Variants in NCR3LG1 observed in about 807,000 individuals in gnomAD.
NCR3LG1 encodes natural killer cell cytotoxicity receptor 3 ligand 1.
NCR3LG1 carries 35 observed loss-of-function variants against 34.8 expected under a neutral mutation model. The ratio of observed to expected loss-of-function variants is 1.01; its 90% CI spans 0.77 to 1.33. The LOEUF (loss-of-function observed/expected upper bound fraction) is 1.33, where lower values mean the gene tolerates loss of function less well. Ranked by LOEUF, NCR3LG1 falls within the 40% of genes most tolerant of loss-of-function variation. NCR3LG1 has a pLI of 0.00. For missense variants in NCR3LG1, 452 were observed against 423.3 expected (o/e 1.07, Z -0.60); for synonymous variants, 173 against 163.6 (o/e 1.06, Z -0.44).
Position 17,351,963 on chromosome 11 carries a change from C to T in NCR3LG1, c.-7C>T, listed in dbSNP as rs541223530. On this transcript the variant is annotated 5_prime_UTR_variant, in exon 1 of 5. Coordinates refer to ENST00000338965, the MANE Select transcript of NCR3LG1 (RefSeq NM_001202439.3). ...GCGAAAAAAATTACACAACAGCAGC[C>T]GCGGCGATGACGTGGAGGGCTGCCG... is the stretch of plus-strand genomic sequence containing the variant. 3 of 1,483,380 alleles carry T rather than the reference C, an allele frequency of 2.0e-6. No homozygotes were observed. The highest frequency in any genetic ancestry group is 2.8e-5 in the African/African-American group (2 of 70,630). 91.9% of individuals were successfully genotyped at this position (1,483,380 alleles called of 1,614,324 possible). A position where few individuals can be genotyped will look rare whatever the true frequency, so the allele number is the denominator to read the frequency against.
chr11:17,367,976 G>A (rs766190231), intron 3 of NCR3LG1, among the ~76,000 whole-genome samples: 2 of 152,032 alleles, frequency 1.3e-5, no homozygotes, highest in East Asian at 1.9e-4. Flanking sequence ...GCACCACCAC[G>A]CACGGCTGAT....
intron 4 of NCR3LG1, among the ~76,000 whole-genome samples, chr11:17,371,421 ACTC>A (rs1456248786): frequency 2.6e-5 from 4 of 151,650 alleles, no homozygotes; most frequent in Non-Finnish European, 4.4e-5. Context: ...AAGCATAAAA[ACTC>A]CTCTTTCAAC....
intron 2 of NCR3LG1, 126 bp from the exon 3 acceptor site, chr11:17,366,883 G>T: frequency 1.5e-6 from 1 of 667,002 alleles, no homozygotes; most frequent in Non-Finnish European, 2.5e-6. Flanking sequence ...TGTGTTTTTT[G>T]TCTTATCTGG....
Position 17,373,862 on chromosome 11 carries a change from C to T in NCR3LG1, c.*1350C>T, listed in dbSNP as rs1026713627. The T allele has an allele frequency of 6.6e-6, 1 of 152,224 alleles. No individual in the cohort carries two copies. The highest frequency in any genetic ancestry group is 1.5e-5 in the Non-Finnish European group (1 of 68,076). The allele number at this position is 152,224 out of a possible 1,614,324, so 9.4% of individuals were successfully genotyped here. ...ATGGCTCCAGGACAAACTCCGCCTCCCCTTAGTGGAAACCAGTATTAACCC... is the reference window on the plus strand; with the variant it reads ...ATGGCTCCAGGACAAACTCCGCCTCTCCTTAGTGGAAACCAGTATTAACCC... On this transcript the variant is annotated 3_prime_UTR_variant, in exon 5 of 5. Transcript: ENST00000338965.
In NCR3LG1 at chr11:17,372,405, G is replaced by GCCCCAA. The variant is rs1953419164; in HGVS notation, c.1259_1264dup (p.Pro421_Ile422insThrPro). On this transcript the variant is annotated inframe_insertion, in exon 5 of 5. Coordinates refer to ENST00000338965, the MANE Select transcript of NCR3LG1 (RefSeq NM_001202439.3). ...GGAACACTCGGATGCAGTTCCGGAT[G>GCCCCAA]CCCCAATCCTTCCTGTCTCCCCTAT... The GCCCCAA allele has an allele frequency of 1.4e-6, 1 of 703,044 alleles. No homozygotes were observed. Among genetic ancestry groups the GCCCCAA allele is most frequent in the South Asian group, 1.5e-5 (1 of 67,592 alleles). The allele number at this position is 703,044 out of a possible 1,614,324, so 43.6% of individuals were successfully genotyped here. A position where few individuals can be genotyped will look rare whatever the true frequency, so the allele number is the denominator to read the frequency against.
Position 17,367,321 on chromosome 11 carries a change from T to C in NCR3LG1, c.734T>C (p.Leu245Pro). The change falls in exon 3 of 5, where the codon CTG becomes CCG. Residue 245 changes from leucine (L) to proline (P), a missense_variant. Coordinates refer to ENST00000338965, the MANE Select transcript of NCR3LG1 (RefSeq NM_001202439.3). Reference sequence around the variant, plus strand: ...ACCCCCTTGAGGAGCAACTTTACCCTGACTGCTGCTCGGCACAGTCTTTCT... The same window carrying C: ...ACCCCCTTGAGGAGCAACTTTACCCCGACTGCTGCTCGGCACAGTCTTTCT... ...LHTPLRSNFTLTAARHSLSET... is the reference protein window; with the variant it reads ...LHTPLRSNFTPTAARHSLSET... The C allele has an allele frequency of 6.5e-7, 1 of 1,534,788 alleles. No homozygotes were observed. The highest frequency in any genetic ancestry group is 1.2e-5 in the South Asian group (1 of 83,968).
At chr11:17,355,922 C>T (rs753797982) in intron 1 of NCR3LG1, among the ~76,000 whole-genome samples, 77 of 151,522 alleles carry the variant, frequency 5.1e-4, no homozygotes, top group Non-Finnish European at 9.3e-4. Flanking sequence ...CTCAGCCTCC[C>T]AAGTAGCTGG....
chr11:17,366,421 C>A (rs1262846128), intron 2 of NCR3LG1, among the ~76,000 whole-genome samples: 1 of 152,054 alleles, frequency 6.6e-6, no homozygotes, highest in African/African-American at 2.4e-5. Context: ...CTACTAGACC[C>A]CTGAGTTTGC....
downstream of NCR3LG1, chr11:17,380,632 C>T (rs1953508658): frequency 6.6e-6 from 1 of 152,090 alleles, no homozygotes; most frequent in Non-Finnish European, 1.5e-5. Flanking sequence ...ACTACAGGCG[C>T]ATGTCACCAT....
At position 17,368,911 on chromosome 11, in the gene NCR3LG1, T is replaced by A. The variant is rs910877209; in HGVS notation, c.805T>A (p.Ser269Thr). The change falls in exon 4 of 5, where the codon TCA becomes ACA. Residue 269 changes from serine to threonine, a missense_variant. Ser to Thr is a moderately conservative substitution (Grantham distance 58). Transcript: ENST00000338965. ...DNFSIHWWPI[S>T]FIGVGLVLLI... ...TTTTTCCATTCATTGGTGGCCTATT[T>A]CATTCATTGGTGTTGGACTGGTTTT... is the stretch of plus-strand genomic sequence containing the variant. 4 of 1,535,374 alleles carry A rather than the reference T, an allele frequency of 2.6e-6. No homozygotes were observed. The African/African-American group carries it at 5.5e-5, about 21-fold the overall frequency.
chr11:17,371,179 C>T (rs1953401768), intron 4 of NCR3LG1, among the ~76,000 whole-genome samples: 1 of 152,108 alleles, frequency 6.6e-6, no homozygotes, highest in Non-Finnish European at 1.5e-5. Context: ...TACTGGACAG[C>T]ATATTATGGG....
downstream of NCR3LG1, among the ~76,000 whole-genome samples, chr11:17,379,149 C>T (rs928098162): frequency 2.0e-5 from 3 of 152,050 alleles, no homozygotes; most frequent in African/African-American, 7.3e-5. Flanking sequence ...TTTGCTCCAA[C>T]CTCACCTTTG....
chr11:17,358,752 T>G (rs77074366), intron 2 of NCR3LG1, among the ~76,000 whole-genome samples: 164 of 152,308 alleles, frequency 1.1e-3, no homozygotes, highest in African/African-American at 3.5e-3. Context: ...ATGACTTTAT[T>G]CAATCATTGA....
At chr11:17,366,862 A>C in intron 2 of NCR3LG1, 147 bp from the exon 3 acceptor site, 1 of 617,094 alleles carries the variant, frequency 1.6e-6, no homozygotes. Context: ...ATTTTTAAAG[A>C]GTAGGCATCC....
At position 17,372,389 on chromosome 11, in the gene NCR3LG1, G is replaced by A. The variant is rs775607910; in HGVS notation, c.1242G>A (p.Ser414=). The change falls in exon 5 of 5, where the codon TCG becomes TCA. Residue 414 remains serine, a synonymous_variant. Coordinates refer to ENST00000338965, the MANE Select transcript of NCR3LG1 (RefSeq NM_001202439.3). ...KSEKQTPREH[S]DAVPDAPILP... is the part of the protein sequence containing the mutation. The stretch of plus-strand genomic sequence containing the variant: ...AGAAACAAACCCCTAGGGAACACTC[G>A]GATGCAGTTCCGGATGCCCCAATCC... The A allele has an allele frequency of 7.5e-5, 53 of 702,970 alleles. No homozygotes were observed. The highest frequency in any genetic ancestry group is 7.0e-5 in the African/African-American group (4 of 57,206). 43.5% of individuals were successfully genotyped at this position (702,970 alleles called of 1,614,324 possible). A position where few individuals can be genotyped will look rare whatever the true frequency, so the allele number is the denominator to read the frequency against.
intron 2 of NCR3LG1, 52 bp downstream of exon 2, chr11:17,357,053 A>G: frequency 1.6e-6 from 2 of 1,235,512 alleles, no homozygotes; most frequent in Non-Finnish European, 2.2e-6. Context: ...GGGGTTAGCA[A>G]CAACAAAACC....
chr11:17,366,106 T>C (rs1380446597), intron 2 of NCR3LG1, among the ~76,000 whole-genome samples: 1 of 152,188 alleles, frequency 6.6e-6, no homozygotes, highest in Non-Finnish European at 1.5e-5. Flanking sequence ...AAGTCAATAG[T>C]GGCTTTGGAA....
Position 17,372,310 on chromosome 11 carries a change from C to G in NCR3LG1, c.1163C>G (p.Ala388Gly). 1.4e-6 allele frequency: 1 copy of G among 703,126 alleles called. No homozygotes were observed. The highest frequency in any genetic ancestry group is 2.6e-6 in the Non-Finnish European group (1 of 385,028). The allele number at this position is 703,126 out of a possible 1,614,324, so 43.6% of individuals were successfully genotyped here. Residue 388 changes from alanine to glycine, a missense_variant, in exon 5 of 5, where the codon GCT becomes GGT. Coordinates refer to ENST00000338965, the MANE Select transcript of NCR3LG1 (RefSeq NM_001202439.3). ...TGTCAGTGTTGTAGAATTGACCCTG[C>G]TCTCCTAACAGTTACATCAGGCAAG... ...DLCQCCRIDPALLTVTSGKSI... is the reference protein window; with the variant it reads ...DLCQCCRIDPGLLTVTSGKSI...
chr11:17,362,724 C>CT (rs1370836907), intron 2 of NCR3LG1, among the ~76,000 whole-genome samples: 2 of 92,068 alleles, frequency 2.2e-5, no homozygotes, highest in Non-Finnish European at 3.9e-5. Context: ...TTCTTTCTTT[C>CT]TTTCTTTCTT....
Sources: gnomAD v4.1 joint callset for allele counts (sites outside exome capture counted in the v4.1 genomes callset) on GRCh38, gnomAD v4.1.1 for gene constraint, MANE v1.5 for transcripts, NCBI Gene and HGNC (gene_info 2026-07-23, HGNC 2026-07-21) for gene names.